Variants in ZFPM2 observed in about 807,000 individuals in gnomAD.
ZFPM2 encodes zinc finger protein, FOG family member 2, also known as zinc finger protein ZFPM2.
In ZFPM2, 20 loss-of-function variants were observed where a neutral mutation model predicts 98.6. That is an observed-to-expected ratio of 0.20 (90% CI 0.14 to 0.29). The LOEUF (loss-of-function observed/expected upper bound fraction) is 0.29, where lower values mean the gene tolerates loss of function less well. Ranked by LOEUF, ZFPM2 falls within the 10% of genes least tolerant of loss-of-function variation. ZFPM2 has a pLI of 1.00. For missense variants in ZFPM2, 1,310 were observed against 1,388.6 expected (o/e 0.94, Z 0.90); for synonymous variants, 518 against 502.7 (o/e 1.03, Z -0.41).
chr8:105,368,568 T>G (rs185115900), intron 1 of ZFPM2, among the ~76,000 whole-genome samples: 3 of 152,294 alleles, frequency 2.0e-5, no homozygotes, highest in East Asian at 1.9e-4. Flanking sequence ...TTTAAATTTT[T>G]TTTTCTTAAT....
At chr8:105,420,032 T>A (rs1811760663) in intron 2 of ZFPM2, among the ~76,000 whole-genome samples, 1 of 152,150 alleles carries the variant, frequency 6.6e-6, no homozygotes, top group African/African-American at 2.4e-5. Flanking sequence ...TTTGCAAGTC[T>A]TTTATCTCCT....
chr8:105,593,786 T>G (rs189209398), intron 4 of ZFPM2, among the ~76,000 whole-genome samples: 266 of 152,242 alleles, frequency 1.7e-3, no homozygotes, highest in African/African-American at 6.1e-3. Context: ...TTGTAGATTT[T>G]AATCACAGTT....
chr8:105,477,267 C>T (rs1458063226), intron 3 of ZFPM2, among the ~76,000 whole-genome samples: 6 of 105,830 alleles, frequency 5.7e-5, no homozygotes, highest in East Asian at 3.1e-4. Flanking sequence ...TTTTTTGAGA[C>T]GAAGTCTAAC....
At chr8:105,630,304 G>A (rs191821168) in intron 4 of ZFPM2, among the ~76,000 whole-genome samples, 1 of 152,198 alleles carries the variant, frequency 6.6e-6, no homozygotes, top group East Asian at 1.9e-4. Context: ...GGATTTTTCT[G>A]GAGTGTAGAT....
At chr8:105,647,882 G>A (rs1386837918) in intron 5 of ZFPM2, among the ~76,000 whole-genome samples, 1 of 151,984 alleles carries the variant, frequency 6.6e-6, no homozygotes, top group Non-Finnish European at 1.5e-5. Flanking sequence ...TAATCCTTTG[G>A]GTATATACCC....
intron 5 of ZFPM2, among the ~76,000 whole-genome samples, chr8:105,785,800 T>G (rs1427174903): frequency 3.9e-5 from 6 of 151,990 alleles, no homozygotes; most frequent in Non-Finnish European, 8.8e-5. Context: ...CCGAACACTT[T>G]GGGAGGCCGA....
At chr8:105,389,905 G>T (rs1811075829) in intron 1 of ZFPM2, among the ~76,000 whole-genome samples, 1 of 152,176 alleles carries the variant, frequency 6.6e-6, no homozygotes. Flanking sequence ...TTAGGGTGCA[G>T]ATTTGTCAGA....
At chr8:105,417,412 TAGAA>T (rs1563649149) in intron 1 of ZFPM2, among the ~76,000 whole-genome samples, 1 of 152,064 alleles carries the variant, frequency 6.6e-6, no homozygotes, top group Non-Finnish European at 1.5e-5. Context: ...AATAAAAAAA[TAGAA>T]AGTGCTTTGA....
rs150813935 is a variant in ZFPM2 at position 105,452,277 on chromosome 8, AACCACT to A, written c.301+7900_301+7905del. On this transcript the variant is annotated intron_variant, in intron 3 of 7. Transcript: ENST00000407775. ...TTAAAAACATTTCTATGGTTTGAAT[AACCACT>A]ACCCACCCCAGTTGTGTCCACTAAC... 5.8e-3 allele frequency among the ~76,000 whole-genome samples: 879 copies of A among 152,298 alleles called. 4 individuals carry two copies. Among genetic ancestry groups the A allele is most frequent in the African/African-American group, 0.02 (826 of 41,570 alleles).
At chr8:105,786,770 G>A (rs570828896) in intron 5 of ZFPM2, among the ~76,000 whole-genome samples, 6 of 152,128 alleles carry the variant, frequency 3.9e-5, no homozygotes, top group South Asian at 2.1e-4. Context: ...CTCTTGAGTC[G>A]TCCTATCTTA....
chr8:105,639,316 G>A (rs779450785), intron 5 of ZFPM2, among the ~76,000 whole-genome samples: 3 of 151,938 alleles, frequency 2.0e-5, no homozygotes, highest in Non-Finnish European at 4.4e-5. Context: ...TTTCATGTGG[G>A]TTTAATCACT....
At chr8:105,534,558 T>A (rs545766018) in intron 3 of ZFPM2, among the ~76,000 whole-genome samples, 1 of 151,978 alleles carries the variant, frequency 6.6e-6, no homozygotes, top group South Asian at 2.1e-4. Flanking sequence ...AAAAGGAGAA[T>A]TTTTCTGAGG....
chr8:105,645,370 G>A (rs921822812), intron 5 of ZFPM2, among the ~76,000 whole-genome samples: 7 of 151,998 alleles, frequency 4.6e-5, no homozygotes, highest in East Asian at 1.9e-4. Flanking sequence ...CTTTTTATGC[G>A]AATAGTCATT....
chr8:105,536,680 A>G (rs1814460018), intron 3 of ZFPM2, among the ~76,000 whole-genome samples: 1 of 152,194 alleles, frequency 6.6e-6, no homozygotes, highest in Non-Finnish European at 1.5e-5. Context: ...TAAGATAGCC[A>G]GAAGATCACA....
intron 3 of ZFPM2, among the ~76,000 whole-genome samples, chr8:105,549,715 G>C (rs547902848): frequency 1.3e-5 from 2 of 150,900 alleles, no homozygotes; most frequent in Non-Finnish European, 2.9e-5. Flanking sequence ...GGGCTTAAGC[G>C]ATCCCCCAGT....
intron 4 of ZFPM2, among the ~76,000 whole-genome samples, chr8:105,597,180 T>C (rs1815989303): frequency 6.6e-6 from 1 of 152,062 alleles, no homozygotes. Flanking sequence ...CTGTTATGCC[T>C]GGGTTCTGTT....
chr8:105,683,684 T>G (rs1810665811), intron 5 of ZFPM2, among the ~76,000 whole-genome samples: 2 of 152,166 alleles, frequency 1.3e-5, no homozygotes, highest in South Asian at 4.1e-4. Flanking sequence ...TGATTTATTC[T>G]TCATCATCAT....
chr8:105,448,891 A>G (rs560794718), intron 3 of ZFPM2, among the ~76,000 whole-genome samples: 2 of 152,018 alleles, frequency 1.3e-5, no homozygotes, highest in Non-Finnish European at 2.9e-5. Context: ...GTCCTTTCAG[A>G]CTGACCAATG....
intron 5 of ZFPM2, among the ~76,000 whole-genome samples, chr8:105,647,983 G>T (rs11986194): frequency 1.3e-5 from 2 of 151,848 alleles, no homozygotes; most frequent in African/African-American, 4.8e-5. Context: ...AACCAGTTTA[G>T]AGTCCCACCA....
Sources: allele counts gnomAD v4.1 joint callset (sites outside exome capture counted in the v4.1 genomes callset), GRCh38; gene constraint gnomAD v4.1.1; transcripts MANE v1.5; gene names NCBI Gene and HGNC (gene_info 2026-07-23, HGNC 2026-07-21).